NEK5: variants seen among roughly 807,000 people sequenced by gnomAD.
NEK5 encodes serine/threonine-protein kinase Nek5.
Under a neutral mutation model 109.2 loss-of-function variants are expected in NEK5, and 88 were observed. That is an observed-to-expected ratio of 0.81 (90% CI 0.68 to 0.96). NEK5 has a LOEUF of 0.96. NEK5 is among the 40% of genes least tolerant of loss of function. NEK5 has a pLI of 0.00. For missense variants in NEK5, 834 were observed against 920.7 expected, an observed-to-expected ratio of 0.91 and a Z score of 1.22; for synonymous variants, 283 against 299.9, an observed-to-expected ratio of 0.94 and a Z score of 0.58.
chr13:52,080,183 G>C (rs1183877779), intron 17 of NEK5, among the ~76,000 whole-genome samples: 1 of 148,730 alleles, frequency 6.7e-6, no homozygotes, highest in Non-Finnish European at 1.5e-5. Flanking sequence ...GTCAGCCCCC[G>C]CCAGGCCAGC....
At chr13:52,079,227 G>T (rs1593945455) in intron 17 of NEK5, among the ~76,000 whole-genome samples, 1 of 151,104 alleles carries the variant, frequency 6.6e-6, no homozygotes, top group East Asian at 2.0e-4. Flanking sequence ...TTTTACAAAA[G>T]CCTGGAGGTT....
intron 16 of NEK5, 146 bp downstream of exon 16, chr13:52,086,131 C>T: frequency 1.5e-6 from 1 of 662,830 alleles, no homozygotes; most frequent in Non-Finnish European, 2.7e-6. Context: ...GGTCTGACAG[C>T]TTTCCTATTA....
chr13:52,109,379 C>G (rs1955715054), intron 7 of NEK5, among the ~76,000 whole-genome samples: 1 of 152,132 alleles, frequency 6.6e-6, no homozygotes, highest in Non-Finnish European at 1.5e-5. Flanking sequence ...CAATAAGATA[C>G]CAAAGTCCAG....
At chr13:52,081,184 A>G in intron 17 of NEK5, among the ~76,000 whole-genome samples, 1 of 152,220 alleles carries the variant, frequency 6.6e-6, no homozygotes, top group East Asian at 1.9e-4. Flanking sequence ...ATAACTCTAC[A>G]AGTAGAGACT....
At chr13:52,110,909 G>A (rs1955746884) in intron 5 of NEK5, among the ~76,000 whole-genome samples, 1 of 152,124 alleles carries the variant, frequency 6.6e-6, no homozygotes, top group South Asian at 2.1e-4. Context: ...ACCCTGGGGT[G>A]CTAACTGCAT....
chr13:52,103,513 G>A (rs2138019261), intron 9 of NEK5, among the ~76,000 whole-genome samples: 1 of 152,296 alleles, frequency 6.6e-6, no homozygotes, highest in Middle Eastern at 3.4e-3. Context: ...TGACAGCTGT[G>A]GAGAAAAGAG....
intron 22 of NEK5, among the ~76,000 whole-genome samples, chr13:52,052,161 A>C (rs1954511609): frequency 6.9e-6 from 1 of 145,572 alleles, no homozygotes; most frequent in African/African-American, 2.6e-5. Context: ...CAATTTACAC[A>C]TAGTAATTGA....
chr13:52,093,417 A>G (rs1202983698), intron 12 of NEK5, among the ~76,000 whole-genome samples, 182 bp from the exon 13 acceptor site: 1 of 151,812 alleles, frequency 6.6e-6, no homozygotes, highest in Non-Finnish European at 1.5e-5. Context: ...AAAATTATCC[A>G]GGCATGGTGG....
At chr13:52,114,013 T>C (rs916871012) in intron 4 of NEK5, among the ~76,000 whole-genome samples, 3 of 152,238 alleles carry the variant, frequency 2.0e-5, no homozygotes, top group African/African-American at 4.8e-5. Context: ...ATAAGCCACC[T>C]AGTTTATGGT....
At chr13:52,051,284 T>C (rs1017146035) in intron 22 of NEK5, among the ~76,000 whole-genome samples, 8 of 152,100 alleles carry the variant, frequency 5.3e-5, no homozygotes, top group African/African-American at 1.7e-4. Flanking sequence ...CCTCCCCAAA[T>C]TGGCTCCTAT....
chr13:52,078,738 C>A (rs1954913865), intron 17 of NEK5, among the ~76,000 whole-genome samples: 1 of 152,094 alleles, frequency 6.6e-6, no homozygotes, highest in Non-Finnish European at 1.5e-5. Flanking sequence ...CTTCACAGGG[C>A]CAAGAGGGCC....
chr13:52,047,583 TCA>T (rs1954470428), intron 23 of NEK5, among the ~76,000 whole-genome samples: 1 of 152,146 alleles, frequency 6.6e-6, no homozygotes, highest in Non-Finnish European at 1.5e-5. Flanking sequence ...AGCATCTGGC[TCA>T]CAGTTTACTT....
At chr13:52,076,481 T>C (rs1250771482) in intron 17 of NEK5, among the ~76,000 whole-genome samples, 1 of 152,120 alleles carries the variant, frequency 6.6e-6, no homozygotes, top group Non-Finnish European at 1.5e-5. Context: ...AGTGCGCAAC[T>C]CATGACGGTA....
At chr13:52,088,255 GT>G (rs201507300) in intron 14 of NEK5, among the ~76,000 whole-genome samples, 1 of 148,256 alleles carries the variant, frequency 6.7e-6, no homozygotes, top group Non-Finnish European at 1.5e-5. Context: ...GTTGGTTTTT[GT>G]TTTTTTTGTT....
chr13:52,083,210 G>T, intron 17 of NEK5, 50 bp downstream of exon 17: 1 of 1,272,600 alleles, frequency 7.9e-7, no homozygotes, highest in Non-Finnish European at 1.1e-6. Context: ...GCCACTTGGG[G>T]TAGAGCACAC....
chr13:52,076,099 C>T lies in NEK5; in HGVS notation c.1617G>A (p.Lys539=). 2 of 1,599,914 alleles carry T rather than the reference C, an allele frequency of 1.3e-6. No individual in the cohort carries two copies. Among genetic ancestry groups the T allele is most frequent in the Admixed American group, 1.7e-5 (1 of 58,244 alleles). The change falls in exon 18 of 24, where the codon AAG becomes AAA. Residue 539 remains lysine, a synonymous_variant. Coordinates refer to ENST00000684899, the MANE Select transcript of NEK5 (RefSeq NM_001365552.1). ...ATTTCTGTTCTGGATTTTTACTTTC[C>T]TTTGTGTTCTGAAGCCTCATTTGTT... ...DLKQMRLQNT[K]ESKNPEQKYK... is the part of the protein sequence containing the mutation.
intron 23 of NEK5, among the ~76,000 whole-genome samples, chr13:52,045,222 C>T (rs1252649482): frequency 1.4e-5 from 2 of 147,456 alleles, no homozygotes; most frequent in African/African-American, 2.5e-5. Flanking sequence ...CTCTGCCTCC[C>T]CGGTTCACGC....
intron 23 of NEK5, among the ~76,000 whole-genome samples, chr13:52,037,759 TAAAAATAC>T (rs1248993172): frequency 6.6e-6 from 1 of 152,072 alleles, no homozygotes. Flanking sequence ...CCGTCTCTAC[TAAAAATAC>T]AAAAAATTAG....
At chr13:52,087,739 T>C (rs976539885) in intron 14 of NEK5, among the ~76,000 whole-genome samples, 1 of 150,166 alleles carries the variant, frequency 6.7e-6, no homozygotes, top group African/African-American at 2.5e-5. Context: ...AATTGTCCTG[T>C]CTCAGCCTTC....
Sources: allele counts gnomAD v4.1 joint callset (sites outside exome capture counted in the v4.1 genomes callset), GRCh38; gene constraint gnomAD v4.1.1; transcripts MANE v1.5; gene names NCBI Gene and HGNC (gene_info 2026-07-23, HGNC 2026-07-21).